The following FBLN2 variants were observed in gnomAD, a reference collection of about 807,000 sequenced individuals.
FBLN2 encodes the protein fibulin-2.
A neutral mutation model predicts 123.7 loss-of-function variants in FBLN2; 81 were observed. The observed-to-expected ratio is 0.65, with a 90% CI of 0.55 to 0.79. The LOEUF is 0.79. FBLN2 is among the 30% of genes least tolerant of loss of function. The pLI, the probability that FBLN2 is intolerant of heterozygous loss-of-function variation, is 0.00. For synonymous variants in FBLN2, 699 were observed against 701.4 expected (o/e 1.00, Z 0.05); for missense variants, 1,603 against 1,681.3 (o/e 0.95, Z 0.81).
chr3:13,630,888 C>G, intron 15 of FBLN2, 73 bp downstream of exon 15: 1 of 1,147,154 alleles, frequency 8.7e-7, no homozygotes, highest in Admixed American at 2.1e-5. Flanking sequence ...CCCCGAGAGT[C>G]CCTGCTGGGC....
intron 9 of FBLN2, among the ~76,000 whole-genome samples, 152 bp downstream of exon 9, chr3:13,622,067 T>C (rs899477076): frequency 6.6e-6 from 1 of 152,192 alleles, no homozygotes; most frequent in Non-Finnish European, 1.5e-5. Flanking sequence ...GTCGTGCCCT[T>C]GTGTCCTGGC....
chr3:13,635,476 A>G (rs1706428378), intron 16 of FBLN2, among the ~76,000 whole-genome samples: 2 of 152,122 alleles, frequency 1.3e-5, no homozygotes, highest in Admixed American at 1.3e-4. Context: ...GTTGACGTTT[A>G]TATGTGTATG....
chr3:13,580,911 G>A (rs748059931), intron 2 of FBLN2, among the ~76,000 whole-genome samples: 1 of 152,228 alleles, frequency 6.6e-6, no homozygotes, highest in Admixed American at 6.5e-5. Flanking sequence ...CACCTGCTGG[G>A]CCTGAACGTG....
chr3:13,571,352 G>T lies in FBLN2; in HGVS notation c.997G>T (p.Gly333Trp). 6.2e-7 allele frequency: 1 copy of T among 1,611,618 alleles called. No individual in the cohort carries two copies. The highest frequency in any genetic ancestry group is 8.5e-7 in the Non-Finnish European group (1 of 1,179,112). ...AGAAGCTGGGGCAAGGGCAGAAGCT[G>T]GGGCAAGGCCTGAAGAGAACCTCAT... ...RAEAGARAEA[G>W]ARPEENLILD... Residue 333 changes from glycine to tryptophan, a missense_variant, in exon 2 of 18, where the codon GGG becomes TGG. Transcript: ENST00000404922.
At chr3:13,562,606 T>C (rs1424418671) in intron 1 of FBLN2, among the ~76,000 whole-genome samples, 1 of 152,198 alleles carries the variant, frequency 6.6e-6, no homozygotes, top group African/African-American at 2.4e-5. Context: ...CCACCCGCCT[T>C]GGCCTCCCAA....
rs3796319 is a variant in FBLN2 at position 13,571,133 on chromosome 3, C to G, written c.778C>G (p.Leu260Val). 1.9e-4 allele frequency: 297 copies of G among 1,553,336 alleles called. 1 individual carries two copies. In the East Asian group the frequency reaches 7.0e-3, roughly 37 times the overall value. The change falls in exon 2 of 18, where the codon CTG becomes GTG. Residue 260 changes from leucine (L) to valine (V), a missense_variant. Physicochemically the swap from Leu to Val is conservative, Grantham distance 32. Transcript: ENST00000404922. Reference protein sequence around the residue: ...VLPRPTAAAALGPPAPVQAKA... With the variant: ...VLPRPTAAAAVGPPAPVQAKA... ...CCCCAGGCCCACAGCGGCTGCTGCCCTGGGTCCCCCAGCCCCAGTGCAGGC... is the reference window on the plus strand; with the variant it reads ...CCCCAGGCCCACAGCGGCTGCTGCCGTGGGTCCCCCAGCCCCAGTGCAGGC...
chr3:13,600,861 C>G (rs775197396), intron 2 of FBLN2, among the ~76,000 whole-genome samples: 2 of 152,174 alleles, frequency 1.3e-5, no homozygotes, highest in Non-Finnish European at 2.9e-5. Context: ...GGTGATCCGC[C>G]CACCTCGGCC....
intron 16 of FBLN2, among the ~76,000 whole-genome samples, chr3:13,632,094 T>C (rs1706277752): frequency 1.3e-5 from 2 of 152,212 alleles, no homozygotes; most frequent in African/African-American, 4.8e-5. Context: ...TTCTGTGGTA[T>C]TTAATGTTCC....
intron 1 of FBLN2, among the ~76,000 whole-genome samples, chr3:13,550,468 C>T (rs898706721): frequency 6.6e-6 from 1 of 152,206 alleles, no homozygotes; most frequent in Non-Finnish European, 1.5e-5. Context: ...CCCTGACAGG[C>T]CAAAAAGAGA....
At chr3:13,599,638 GA>G (rs1424909472) in intron 2 of FBLN2, among the ~76,000 whole-genome samples, 1 of 151,994 alleles carries the variant, frequency 6.6e-6, no homozygotes, top group East Asian at 1.9e-4. Flanking sequence ...GGTGGAGGAG[GA>G]GGTGGCTGGT....
At chr3:13,573,701 C>T (rs1048751596) in intron 2 of FBLN2, among the ~76,000 whole-genome samples, 4 of 151,976 alleles carry the variant, frequency 2.6e-5, no homozygotes, top group African/African-American at 9.7e-5. Context: ...GTCAGGAGTT[C>T]GAGACCAGCC....
intron 2 of FBLN2, among the ~76,000 whole-genome samples, chr3:13,578,273 G>A (rs952703731): frequency 1.3e-5 from 2 of 152,212 alleles, no homozygotes; most frequent in Non-Finnish European, 2.9e-5. Context: ...ATTTGGAGTT[G>A]TGCAGACATC....
chr3:13,604,020 C>T (rs1705125240), intron 2 of FBLN2, among the ~76,000 whole-genome samples: 1 of 152,188 alleles, frequency 6.6e-6, no homozygotes. Flanking sequence ...TGTCTGTTGG[C>T]TGCATAAATG....
intron 2 of FBLN2, among the ~76,000 whole-genome samples, chr3:13,583,541 G>T (rs1490115730): frequency 2.0e-5 from 3 of 152,204 alleles, no homozygotes; most frequent in Non-Finnish European, 4.4e-5. Context: ...TGTCTGGATG[G>T]CTGGCCCTCA....
chr3:13,549,672 C>A (rs115242642), intron 1 of FBLN2, among the ~76,000 whole-genome samples: 6 of 150,520 alleles, frequency 4.0e-5, no homozygotes, highest in African/African-American at 1.5e-4. Flanking sequence ...TCTAACACTA[C>A]CCCCTCCATC....
intron 16 of FBLN2, 137 bp from the exon 17 acceptor site, chr3:13,636,308 T>C (rs1027655856): frequency 9.9e-6 from 10 of 1,008,396 alleles, no homozygotes; most frequent in African/African-American, 1.6e-5. Context: ...AGATGGGGCA[T>C]GTGTGTGCAG....
At chr3:13,594,979 T>C (rs1704794026) in intron 2 of FBLN2, among the ~76,000 whole-genome samples, 1 of 152,314 alleles carries the variant, frequency 6.6e-6, no homozygotes, top group South Asian at 2.1e-4. Context: ...TCTGGAGCCA[T>C]GCAGCTGGGG....
intron 5 of FBLN2, 45 bp from the exon 6 acceptor site, chr3:13,618,031 C>T (rs769712183): frequency 6.3e-7 from 1 of 1,589,834 alleles, no homozygotes; most frequent in Non-Finnish European, 8.6e-7. Context: ...CAGCCACCTA[C>T]TCTGACCAAG....
At chr3:13,552,227 G>A (rs1248762369) in intron 1 of FBLN2, among the ~76,000 whole-genome samples, 1 of 151,786 alleles carries the variant, frequency 6.6e-6, no homozygotes, top group African/African-American at 2.4e-5. Context: ...GGCAGCTGTG[G>A]GGATCCATGC....
Sources: gnomAD v4.1 joint callset for allele counts (sites outside exome capture counted in the v4.1 genomes callset) on GRCh38, gnomAD v4.1.1 for gene constraint, MANE v1.5 for transcripts, NCBI Gene and HGNC (gene_info 2026-07-23, HGNC 2026-07-21) for gene names.